The following SLCO5A1 variants were observed in gnomAD, a reference collection of about 807,000 sequenced individuals.
SLCO5A1 encodes solute carrier organic anion transporter family member 5A1, also known as organic anion transporter polypeptide-related protein 4.
Under a neutral mutation model 65.1 loss-of-function variants are expected in SLCO5A1, and 39 were observed. That is an observed-to-expected ratio of 0.60 (90% CI 0.46 to 0.78). The LOEUF (loss-of-function observed/expected upper bound fraction) is 0.78. Ranked by LOEUF, SLCO5A1 falls within the 30% of genes least tolerant of loss-of-function variation. SLCO5A1 has a pLI of 0.00. For missense variants in SLCO5A1, 1,029 were observed against 1,069.4 expected (o/e 0.96, Z 0.53); for synonymous variants, 438 against 415.7 (o/e 1.05, Z -0.65).
chr8:69,738,458 T>G (rs1816660517), intron 4 of SLCO5A1, among the ~76,000 whole-genome samples: 2 of 151,726 alleles, frequency 1.3e-5, no homozygotes, highest in African/African-American at 4.8e-5. Context: ...TACACAAATA[T>G]CCTTATAAGC....
chr8:69,816,622 C>A (rs1333057202), intron 2 of SLCO5A1, among the ~76,000 whole-genome samples: 1 of 152,212 alleles, frequency 6.6e-6, no homozygotes, highest in Non-Finnish European at 1.5e-5. Context: ...CAGAAACACA[C>A]AGTAGAACAA....
At chr8:69,704,922 G>T in intron 6 of SLCO5A1, 109 bp downstream of exon 6, 1 of 1,009,616 alleles carries the variant, frequency 9.9e-7, no homozygotes, top group Non-Finnish European at 1.5e-6. Context: ...GCACACACAG[G>T]GAGAACAGCT....
intron 3 of SLCO5A1, among the ~76,000 whole-genome samples, chr8:69,759,410 A>C (rs1817663109): frequency 1.3e-5 from 2 of 152,226 alleles, no homozygotes; most frequent in Non-Finnish European, 2.9e-5. Context: ...AAAGGACTGA[A>C]TAGCTAACAC....
At chr8:69,675,202 T>C (rs1813500001) in intron 9 of SLCO5A1, among the ~76,000 whole-genome samples, 1 of 151,370 alleles carries the variant, frequency 6.6e-6, no homozygotes, top group African/African-American at 2.4e-5. Context: ...CAGACAGAGT[T>C]CTGCTCTTGT....
intron 2 of SLCO5A1, among the ~76,000 whole-genome samples, chr8:69,825,984 C>T (rs1474827223): frequency 1.3e-5 from 2 of 152,194 alleles, no homozygotes; most frequent in African/African-American, 4.8e-5. Context: ...TGCATATCTA[C>T]AACTATCTGA....
rs115749398 is a variant in SLCO5A1, at chr8:69,736,710, G to A, written c.1423+1330C>T. ...AAGGGCCTGCAGTAAAGAATCCTAC[G>A]ATACTTTGTTTAACTCAGCAAGTTC... On this transcript the variant is annotated intron_variant, in intron 5 of 9. Transcript: ENST00000260126. Among the ~76,000 whole-genome samples the A allele has an allele frequency of 9.2e-3, 1,399 of 152,288 alleles. 20 individuals are homozygous for A. The highest frequency in any genetic ancestry group is 0.032 in the African/African-American group (1,335 of 41,542).
chr8:69,729,446 C>CAAAA lies in SLCO5A1; in HGVS notation c.1423+8590_1423+8593dup, dbSNP rs56392223. On this transcript the variant is annotated intron_variant, in intron 5 of 9. Transcript: ENST00000260126. ...GCGAAAGAGCGAGACTCCGTCCCAA[C>CAAAA]AAAAAAAAAAAAAAAAAAAAAAAAA... Among the ~76,000 whole-genome samples, 41 of 80,522 alleles carry CAAAA rather than the reference C, an allele frequency of 5.1e-4. 1 individual carries two copies. Among genetic ancestry groups the CAAAA allele is most frequent in the South Asian group, 1.7e-3 (3 of 1,728 alleles). 52.8% of individuals were successfully genotyped at this position (80,522 alleles called of 152,430 possible).
intron 5 of SLCO5A1, among the ~76,000 whole-genome samples, chr8:69,711,331 CCT>C (rs1815244750): frequency 6.6e-6 from 1 of 152,166 alleles, no homozygotes; most frequent in African/African-American, 2.4e-5. Flanking sequence ...GCGCACCTCA[CCT>C]CTCTGCGCCT....
In SLCO5A1 at chr8:69,671,663, G is replaced by A. The variant is rs1159420234; in HGVS notation, c.*1206C>T. 6.6e-6 allele frequency: 1 copy of A among 152,152 alleles called. No homozygotes were observed. Among genetic ancestry groups the A allele is most frequent in the African/African-American group, 2.4e-5 (1 of 41,434 alleles). The allele number at this position is 152,152 out of a possible 1,614,324, so 9.4% of individuals were successfully genotyped here. A position where few individuals can be genotyped will look rare whatever the true frequency, so the allele number is the denominator to read the frequency against. On this transcript the variant is annotated 3_prime_UTR_variant, in exon 10 of 10. Transcript: ENST00000260126. ...CACTGCCAGAAACTTACAGTAAGGG[G>A]GAATCAAAGGGTAGTGTAAAACGAT... is the stretch of plus-strand genomic sequence containing the variant.
chr8:69,774,525 C>A (rs2130876913), intron 2 of SLCO5A1, among the ~76,000 whole-genome samples: 1 of 152,306 alleles, frequency 6.6e-6, no homozygotes, highest in African/African-American at 2.4e-5. Flanking sequence ...ACCCCCAGCT[C>A]ACTGCTCATT....
intron 5 of SLCO5A1, among the ~76,000 whole-genome samples, chr8:69,707,457 A>G (rs1436090161): frequency 6.6e-6 from 1 of 152,222 alleles, no homozygotes; most frequent in Non-Finnish European, 1.5e-5. Flanking sequence ...TGAGGATTCA[A>G]TGCAATCCAA....
At chr8:69,732,374 A>G in intron 5 of SLCO5A1, among the ~76,000 whole-genome samples, 1 of 152,220 alleles carries the variant, frequency 6.6e-6, no homozygotes, top group East Asian at 1.9e-4. Flanking sequence ...AATTGTACAC[A>G]TCAAAGGGCA....
At chr8:69,762,438 G>T (rs944693067) in intron 2 of SLCO5A1, among the ~76,000 whole-genome samples, 4 of 151,746 alleles carry the variant, frequency 2.6e-5, no homozygotes, top group Admixed American at 1.3e-4. Flanking sequence ...CACCTGCCTC[G>T]GCCTCCCAAA....
intron 2 of SLCO5A1, among the ~76,000 whole-genome samples, chr8:69,829,626 T>C (rs1319525225): frequency 6.6e-6 from 1 of 152,088 alleles, no homozygotes; most frequent in Non-Finnish European, 1.5e-5. Context: ...TGCAGTGAGC[T>C]GAGATTGTGC....
chr8:69,700,203 T>C (rs1032604660), intron 6 of SLCO5A1: 1 of 152,084 alleles, frequency 6.6e-6, no homozygotes, highest in East Asian at 1.9e-4. Flanking sequence ...TATGAAATGG[T>C]GATAAATAAT....
At chr8:69,824,323 T>G (rs1179855982) in intron 2 of SLCO5A1, among the ~76,000 whole-genome samples, 1 of 152,072 alleles carries the variant, frequency 6.6e-6, no homozygotes, top group Non-Finnish European at 1.5e-5. Context: ...CTTCAAAAAA[T>G]TAATGAATCC....
intron 2 of SLCO5A1, among the ~76,000 whole-genome samples, chr8:69,784,498 A>T (rs1217946821): frequency 6.6e-6 from 1 of 152,150 alleles, no homozygotes; most frequent in Non-Finnish European, 1.5e-5. Flanking sequence ...TAGAAAGTTA[A>T]ACATACAGGC....
intron 2 of SLCO5A1, among the ~76,000 whole-genome samples, chr8:69,776,906 T>C (rs992549279): frequency 6.6e-6 from 1 of 152,170 alleles, no homozygotes; most frequent in African/African-American, 2.4e-5. Flanking sequence ...AGACAGACCA[T>C]ACCAAGTGTT....
chr8:69,733,693 A>C (rs572850243), intron 5 of SLCO5A1, among the ~76,000 whole-genome samples: 5 of 152,168 alleles, frequency 3.3e-5, no homozygotes. Flanking sequence ...TGGTTTTATA[A>C]GGCAGTTTTT....
Sources: gnomAD v4.1 joint callset for allele counts (sites outside exome capture counted in the v4.1 genomes callset) on GRCh38, gnomAD v4.1.1 for gene constraint, MANE v1.5 for transcripts, NCBI Gene and HGNC (gene_info 2026-07-23, HGNC 2026-07-21) for gene names.